The following NAA11 variants were observed in gnomAD, a reference collection of about 807,000 sequenced individuals.
NAA11 encodes the protein N-alpha-acetyltransferase 11, NatA catalytic subunit.
NAA11 carries 15 observed loss-of-function variants against 16.1 expected under a neutral mutation model. The observed-to-expected ratio is 0.93, with a 90% CI of 0.62 to 1.44. NAA11 has a LOEUF of 1.44. NAA11 is among the 40% of genes most tolerant of loss of function. The pLI, the probability that NAA11 is intolerant of heterozygous loss-of-function variation, is 0.00. For missense variants in NAA11, 298 were observed against 291.3 expected, an observed-to-expected ratio of 1.02 and a Z score of -0.17; for synonymous variants, 122 against 112.4, an observed-to-expected ratio of 1.09 and a Z score of -0.54.
chr4:79,212,373 C>G, the NAA11 span, among the ~76,000 whole-genome samples: 3 of 152,090 alleles, frequency 2.0e-5, no homozygotes, highest in South Asian at 6.2e-4. Flanking sequence ...AATCAGTTGT[C>G]GGCTTGAATT....
At chr4:79,261,810 A>G (rs1219667327) in intron 2 of NAA11, among the ~76,000 whole-genome samples, 10 of 152,238 alleles carry the variant, frequency 6.6e-5, no homozygotes, top group Admixed American at 6.5e-4. Context: ...GCTCTCTGAA[A>G]AAGTAAATCA....
chr4:79,189,158 A>AAAAAAAAAAAAAAAAAC, the NAA11 span, among the ~76,000 whole-genome samples: 1 of 148,018 alleles, frequency 6.8e-6, no homozygotes, highest in African/African-American at 2.4e-5. Context: ...AAAAAAAAAA[A>AAAAAAAAAAAAAAAAAC]AAAAAACTTA....
Position 79,316,712 on chromosome 4 carries a change from G to A in NAA11, c.*1092C>T, listed in dbSNP as rs1451310666. 6.6e-6 allele frequency: 1 copy of A among 151,984 alleles called. No individual in the cohort carries two copies. The highest frequency in any genetic ancestry group is 1.9e-4 in the East Asian group (1 of 5,188). 9.4% of individuals were successfully genotyped at this position (151,984 alleles called of 1,614,324 possible). A position where few individuals can be genotyped will look rare whatever the true frequency, so the allele number is the denominator to read the frequency against. On this transcript the variant is annotated 3_prime_UTR_variant, in exon 2 of 2. Coordinates refer to ENST00000286794, the MANE Select transcript of NAA11 (RefSeq NM_032693.3). ...ACTTTGTCTTCACTTATTTTTACTA[G>A]AGAAAAATAATAAAAATAGATTATA...
chr4:79,311,284 A>C (rs1157411885), intron 1 of NAA11, among the ~76,000 whole-genome samples: 1 of 152,218 alleles, frequency 6.6e-6, no homozygotes, highest in Non-Finnish European at 1.5e-5. Flanking sequence ...TATTATAACA[A>C]CTACTTTACA....
chr4:79,319,582 G>A (rs1724030698), intron 1 of NAA11, among the ~76,000 whole-genome samples: 1 of 152,084 alleles, frequency 6.6e-6, no homozygotes, highest in African/African-American at 2.4e-5. Context: ...GCTTTTATCA[G>A]TTACTTCTGA....
chr4:79,270,312 C>T (rs1722464379), intron 2 of NAA11, among the ~76,000 whole-genome samples: 1 of 151,994 alleles, frequency 6.6e-6, no homozygotes, highest in Admixed American at 6.6e-5. Context: ...CATACACTCT[C>T]CCAAGACTAA....
the NAA11 span, among the ~76,000 whole-genome samples, chr4:79,170,941 A>C: frequency 1.3e-5 from 2 of 152,166 alleles, no homozygotes; most frequent in Non-Finnish European, 2.9e-5. Context: ...AACAAAAAAA[A>C]AATATAGCAT....
At chr4:79,229,204 C>T (rs1366242124) in intron 2 of NAA11, among the ~76,000 whole-genome samples, 1 of 151,890 alleles carries the variant, frequency 6.6e-6, no homozygotes, top group African/African-American at 2.4e-5. Flanking sequence ...TTATATTTTA[C>T]ATTTTAATAT....
At chr4:79,208,517 G>C in the NAA11 span, among the ~76,000 whole-genome samples, 3 of 152,130 alleles carry the variant, frequency 2.0e-5, no homozygotes, top group East Asian at 5.8e-4. Context: ...TGGGCTTTTA[G>C]CCCACATATG....
At chr4:79,185,608 A>G in the NAA11 span, among the ~76,000 whole-genome samples, 2 of 152,198 alleles carry the variant, frequency 1.3e-5, no homozygotes, top group Admixed American at 1.3e-4. Context: ...TTACTTCTTT[A>G]AAAAGCTGTT....
chr4:79,183,120 A>G, the NAA11 span, among the ~76,000 whole-genome samples: 1 of 152,176 alleles, frequency 6.6e-6, no homozygotes, highest in South Asian at 2.1e-4. Flanking sequence ...AGATCCTAGC[A>G]ATATGTTATG....
intron 2 of NAA11, among the ~76,000 whole-genome samples, chr4:79,270,362 G>A (rs1163846940): frequency 6.6e-6 from 1 of 151,832 alleles, no homozygotes; most frequent in Non-Finnish European, 1.5e-5. Flanking sequence ...CCAATAACAG[G>A]AGCTGAAATT....
chr4:79,191,924 T>C, the NAA11 span, among the ~76,000 whole-genome samples: 1 of 152,190 alleles, frequency 6.6e-6, no homozygotes, highest in Non-Finnish European at 1.5e-5. Context: ...CCCAGCACCA[T>C]TTATTGAACA....
chr4:79,254,295 G>A (rs895102063), intron 2 of NAA11, among the ~76,000 whole-genome samples: 8 of 152,184 alleles, frequency 5.3e-5, no homozygotes, highest in Non-Finnish European at 7.3e-5. Context: ...TATCTATCAA[G>A]GATGCTTTCA....
At chr4:79,256,029 G>A (rs954754552) in intron 2 of NAA11, among the ~76,000 whole-genome samples, 10 of 152,094 alleles carry the variant, frequency 6.6e-5, no homozygotes, top group African/African-American at 2.4e-4. Context: ...TTCCACCAGG[G>A]CCCTAATTTA....
At chr4:79,270,572 C>CA (rs1191726926) in intron 2 of NAA11, among the ~76,000 whole-genome samples, 1 of 134,602 alleles carries the variant, frequency 7.4e-6, no homozygotes, top group Non-Finnish European at 1.6e-5. Context: ...AGAGACACAA[C>CA]AAAAAAAGAG....
At chr4:79,164,964 C>T in the NAA11 span, among the ~76,000 whole-genome samples, 11 of 152,118 alleles carry the variant, frequency 7.2e-5, no homozygotes, top group African/African-American at 1.4e-4. Flanking sequence ...TCATTATGAA[C>T]GTAATTGTGT....
intron 2 of NAA11, among the ~76,000 whole-genome samples, chr4:79,271,244 CAGAG>C (rs1194810990): frequency 1.7e-5 from 2 of 119,392 alleles, no homozygotes; most frequent in Non-Finnish European, 3.5e-5. Flanking sequence ...AACAGACAAA[CAGAG>C]AGCCAAATCA....
rs148225272 is a variant in NAA11 at position 79,264,907 on chromosome 4, C to A, written c.*122+29098G>T. Reference sequence around the variant, plus strand: ...TCCAACTTCTTTATTATTGCTAGATCCCATTGATAAGGTCTCTGCATTTTG... The same window carrying A: ...TCCAACTTCTTTATTATTGCTAGATACCATTGATAAGGTCTCTGCATTTTG... On this transcript the variant is annotated intron_variant and NMD_transcript_variant, in intron 2 of 2. Transcript: ENST00000511542. Among the ~76,000 whole-genome samples, 357 of 152,250 alleles carry A rather than the reference C, an allele frequency of 2.3e-3. 1 individual carries two copies. Among genetic ancestry groups the A allele is most frequent in the African/African-American group, 8.1e-3 (335 of 41,528 alleles).
Sources: allele counts gnomAD v4.1 joint callset (sites outside exome capture counted in the v4.1 genomes callset), GRCh38; gene constraint gnomAD v4.1.1; transcripts MANE v1.5; gene names NCBI Gene and HGNC (gene_info 2026-07-23, HGNC 2026-07-21).